TCF12: variants seen among roughly 807,000 people sequenced by gnomAD.
TCF12 encodes transcription factor 12, also known as DNA-binding protein HTF4.
A neutral mutation model predicts 86.0 loss-of-function variants in TCF12; 45 were observed. The observed-to-expected ratio is 0.52, with a 90% CI of 0.41 to 0.67. The LOEUF is 0.67. Among genes scored for constraint, TCF12 ranks in the 30% least tolerant of loss-of-function variants. The pLI, the probability that TCF12 is intolerant of heterozygous loss-of-function variation, is 0.00. For missense variants in TCF12, 881 were observed against 859.9 expected, an observed-to-expected ratio of 1.02 and a Z score of -0.31; for synonymous variants, 330 against 299.6, an observed-to-expected ratio of 1.10 and a Z score of -1.05.
intron 6 of TCF12, among the ~76,000 whole-genome samples, chr15:57,168,645 G>A (rs148149927): frequency 7.9e-5 from 12 of 152,270 alleles, no homozygotes; most frequent in East Asian, 1.9e-4. Context: ...ATTGGAGGCC[G>A]TGGATCTAAT....
chr15:57,175,207 G>A (rs527844917), intron 6 of TCF12, among the ~76,000 whole-genome samples: 1 of 152,022 alleles, frequency 6.6e-6, no homozygotes, highest in Non-Finnish European at 1.5e-5. Context: ...TTAACTGCAG[G>A]TGGTGGTGTG....
chr15:56,950,589 G>A lies in TCF12; in HGVS notation c.148+29491G>A, dbSNP rs374657435. 5.3e-5 allele frequency among the ~76,000 whole-genome samples: 8 copies of A among 151,866 alleles called. No individual in the cohort carries two copies. The East Asian group carries it at 7.7e-4, about 15-fold the overall frequency. On this transcript the variant is annotated intron_variant, in intron 3 of 20. Coordinates refer to ENST00000333725, the MANE Select transcript of TCF12 (RefSeq NM_207037.2). ...TGCTCTGTTTTGTCTGGCTTAAATCGGCATAATTATTTTGAGATTCATTTA... is the reference window on the plus strand; with the variant it reads ...TGCTCTGTTTTGTCTGGCTTAAATCAGCATAATTATTTTGAGATTCATTTA...
At chr15:57,264,195 C>CTTTTTTTCTTTTTTT (rs2060729505) in intron 18 of TCF12, among the ~76,000 whole-genome samples, 2 of 50,698 alleles carry the variant, frequency 3.9e-5, no homozygotes, top group East Asian at 1.7e-3. Context: ...CTTTTGTAAG[C>CTTTTTTTCTTTTTTT]TTTTTTTTTT....
At chr15:57,235,747 A>G (rs1302370808) in intron 12 of TCF12, among the ~76,000 whole-genome samples, 1 of 152,202 alleles carries the variant, frequency 6.6e-6, no homozygotes, top group Non-Finnish European at 1.5e-5. Flanking sequence ...TCAGTGCTAG[A>G]TAATTTTTTA....
chr15:57,177,781 C>T (rs570691594), intron 6 of TCF12, among the ~76,000 whole-genome samples: 7 of 152,020 alleles, frequency 4.6e-5, no homozygotes, highest in South Asian at 4.1e-4. Context: ...AGTGCAGTGG[C>T]GTGATCACAG....
chr15:57,213,305 A>C (rs1469912975), intron 8 of TCF12, among the ~76,000 whole-genome samples: 3 of 152,248 alleles, frequency 2.0e-5, no homozygotes, highest in African/African-American at 7.2e-5. Context: ...ACGTCTTTTC[A>C]TAAATTCAAG....
rs1197554961 is a variant in TCF12, at chr15:56,962,088, G to A, written c.148+40990G>A. On this transcript the variant is annotated intron_variant, in intron 3 of 20. Transcript: ENST00000333725. ...GCGGAGCTTGCAGTGAGCCGAGACTGCGCCACTGTACTCCAGCCTGGGTGA... is the reference window on the plus strand; with the variant it reads ...GCGGAGCTTGCAGTGAGCCGAGACTACGCCACTGTACTCCAGCCTGGGTGA... Among the ~76,000 whole-genome samples, 21 of 145,902 alleles carry A rather than the reference G, an allele frequency of 1.4e-4. No homozygotes were observed. The South Asian group carries it at 3.3e-3, about 23-fold the overall frequency.
Position 57,270,831 on chromosome 15 carries a change from AC to A in TCF12, c.1746-2198del, listed in dbSNP as rs370153878. 5.2e-4 allele frequency among the ~76,000 whole-genome samples: 79 copies of A among 152,268 alleles called. 1 individual carries two copies. The highest frequency in any genetic ancestry group is 1.9e-3 in the African/African-American group (77 of 41,542). ...TCTAACAGACCGGCCCCTCAGCTGC[AC>A]ATCTGTTGGAGTTTGCTGGAGGTCC... On this transcript the variant is annotated intron_variant, in intron 18 of 20. Transcript: ENST00000333725.
At chr15:57,223,260 G>C (rs2058686097) in intron 8 of TCF12, among the ~76,000 whole-genome samples, 1 of 151,946 alleles carries the variant, frequency 6.6e-6, no homozygotes, top group African/African-American at 2.4e-5. Flanking sequence ...TTTCTCCTTT[G>C]TATCATCCAA....
chr15:57,132,558 CTAAGG>C lies in TCF12; in HGVS notation c.326-33843_326-33839del, dbSNP rs2052211314. Among the ~76,000 whole-genome samples, 4 of 152,278 alleles carry C rather than the reference CTAAGG, an allele frequency of 2.6e-5. No homozygotes were observed. The South Asian group carries it at 8.3e-4, about 32-fold the overall frequency. ...TGATGATTGATGTTCCTAATGGAAT[CTAAGG>C]ACCTTTAAGGTGCCGAATTGCCCTC... On this transcript the variant is annotated intron_variant, in intron 5 of 20. Transcript: ENST00000333725.
intron 3 of TCF12, among the ~76,000 whole-genome samples, chr15:56,934,731 T>C (rs768061981): frequency 6.6e-6 from 1 of 152,154 alleles, no homozygotes; most frequent in Non-Finnish European, 1.5e-5. Flanking sequence ...AAGAAGGGAA[T>C]TGACAAATCC....
intron 8 of TCF12, among the ~76,000 whole-genome samples, chr15:57,201,808 A>T (rs1366962197): frequency 1.3e-5 from 2 of 152,116 alleles, no homozygotes; most frequent in African/African-American, 4.8e-5. Flanking sequence ...CCCATTCTCT[A>T]ACTGCCAACT....
intron 5 of TCF12, among the ~76,000 whole-genome samples, chr15:57,130,373 AGCATCTGTAAATTACGT>A (rs2052012097): frequency 6.6e-6 from 1 of 152,186 alleles, no homozygotes; most frequent in Non-Finnish European, 1.5e-5. Context: ...TTAGAGAGGC[AGCATCTGTAAATTACGT>A]GCATACTGAC....
chr15:57,066,040 T>G (rs1433053576), intron 4 of TCF12, among the ~76,000 whole-genome samples: 1 of 152,194 alleles, frequency 6.6e-6, no homozygotes, highest in African/African-American at 2.4e-5. Flanking sequence ...CTAAAAGGTT[T>G]GGTGAGATAG....
chr15:57,262,345 A>C, intron 17 of TCF12, 137 bp downstream of exon 17: 1 of 698,818 alleles, frequency 1.4e-6, no homozygotes, highest in East Asian at 2.7e-5. Context: ...CGTGGAGAGC[A>C]GATATTTAGG....
At chr15:57,282,694 T>C in intron 20 of TCF12, 96 bp downstream of exon 20, 1 of 1,408,144 alleles carries the variant, frequency 7.1e-7, no homozygotes. Context: ...TAGTGAGCAG[T>C]GGCCATTGTA....
At chr15:57,003,588 C>T (rs1006741153) in intron 3 of TCF12, among the ~76,000 whole-genome samples, 37 of 152,206 alleles carry the variant, frequency 2.4e-4, no homozygotes, top group African/African-American at 8.4e-4. Flanking sequence ...ACTGAAAGGA[C>T]TCTTGTTTAC....
At chr15:56,929,185 T>A (rs1010432140) in intron 3 of TCF12, among the ~76,000 whole-genome samples, 4 of 152,130 alleles carry the variant, frequency 2.6e-5, no homozygotes, top group Non-Finnish European at 1.5e-5. Flanking sequence ...AGGGTCAGGG[T>A]GGAATGGAAT....
intron 3 of TCF12, among the ~76,000 whole-genome samples, chr15:56,956,206 TA>T (rs758317542): frequency 1.3e-5 from 2 of 152,000 alleles, no homozygotes; most frequent in Admixed American, 6.6e-5. Flanking sequence ...TTGGAACATT[TA>T]ATGTAATTAT....
Sources: gnomAD v4.1 joint callset for allele counts (sites outside exome capture counted in the v4.1 genomes callset) on GRCh38, gnomAD v4.1.1 for gene constraint, MANE v1.5 for transcripts, NCBI Gene and HGNC (gene_info 2026-07-23, HGNC 2026-07-21) for gene names.